SCHIP1: variants seen among roughly 807,000 people sequenced by gnomAD.
SCHIP1 encodes the protein schwannomin-interacting protein 1.
SCHIP1 carries 8 observed loss-of-function variants against 29.7 expected under a neutral mutation model. That is an observed-to-expected ratio of 0.27 (90% CI 0.16 to 0.49). The LOEUF is 0.49. Ranked by LOEUF, SCHIP1 falls within the 20% of genes least tolerant of loss-of-function variation. The pLI is 0.99. For synonymous variants in SCHIP1, 76 were observed against 94.9 expected (o/e 0.80, Z 1.16); for missense variants, 193 against 294.6 (o/e 0.66, Z 2.52).
intron 2 of SCHIP1, among the ~76,000 whole-genome samples, chr3:159,871,588 T>C (rs1319483841): frequency 1.3e-5 from 2 of 152,168 alleles, no homozygotes; most frequent in African/African-American, 4.8e-5. Flanking sequence ...GACACAGCTC[T>C]TTCATTGGGA....
the SCHIP1 span, among the ~76,000 whole-genome samples, chr3:159,452,872 G>A: frequency 6.6e-6 from 1 of 152,180 alleles, no homozygotes; most frequent in Non-Finnish European, 1.5e-5. Context: ...CAATGCAAGA[G>A]AGAATTTTTT....
the SCHIP1 span, among the ~76,000 whole-genome samples, chr3:159,578,086 C>A: frequency 6.6e-6 from 1 of 152,104 alleles, no homozygotes; most frequent in East Asian, 1.9e-4. Context: ...GAAGGGAGTG[C>A]TGCAACCTTA....
intron 2 of SCHIP1, among the ~76,000 whole-genome samples, chr3:159,884,349 CTGTG>C (rs10661642): frequency 0.012 from 1,667 of 140,606 alleles, 26 homozygotes; most frequent in African/African-American, 0.036. Context: ...GTGTCTGTGT[CTGTG>C]TGTGTGTGTG....
chr3:159,432,516 G>C, the SCHIP1 span, among the ~76,000 whole-genome samples: 7 of 152,142 alleles, frequency 4.6e-5, no homozygotes, highest in East Asian at 7.7e-4. Context: ...AGGGAACCAG[G>C]CTCTACCACT....
the SCHIP1 span, among the ~76,000 whole-genome samples, chr3:159,712,624 G>A: frequency 6.6e-6 from 1 of 152,036 alleles, no homozygotes; most frequent in Non-Finnish European, 1.5e-5. Context: ...GCTGAGGCAG[G>A]AGGACCACTT....
the SCHIP1 span, among the ~76,000 whole-genome samples, chr3:159,432,285 GATGTGTGTGTGT>G: frequency 8.8e-6 from 1 of 114,188 alleles, no homozygotes; most frequent in African/African-American, 3.7e-5. Flanking sequence ...CAGAGTAGGT[GATGTGTGTGTGT>G]GTGTGTGTGT....
At chr3:159,895,335 G>T (rs1452782947) in intron 6 of SCHIP1, among the ~76,000 whole-genome samples, 1 of 152,098 alleles carries the variant, frequency 6.6e-6, no homozygotes, top group Non-Finnish European at 1.5e-5. Flanking sequence ...TGTCTTCCCT[G>T]ATATGACACA....
the SCHIP1 span, among the ~76,000 whole-genome samples, chr3:159,650,890 G>A: frequency 6.6e-6 from 1 of 152,154 alleles, no homozygotes; most frequent in Admixed American, 6.5e-5. Context: ...AACCAGAAAA[G>A]CTGAGTGTGA....
At chr3:159,313,112 CTA>C in the SCHIP1 span, among the ~76,000 whole-genome samples, 1 of 152,092 alleles carries the variant, frequency 6.6e-6, no homozygotes, top group Non-Finnish European at 1.5e-5. Context: ...GTAAAATACT[CTA>C]TAGTCCTTAT....
At chr3:159,863,555 CTAAT>C (rs1259196072) in intron 1 of SCHIP1, among the ~76,000 whole-genome samples, 1 of 152,120 alleles carries the variant, frequency 6.6e-6, no homozygotes, top group African/African-American at 2.4e-5. Flanking sequence ...TTCTGAAAAT[CTAAT>C]AAATAATATG....
the SCHIP1 span, among the ~76,000 whole-genome samples, chr3:159,771,807 T>C: frequency 2.0e-5 from 3 of 152,190 alleles, no homozygotes; most frequent in African/African-American, 2.4e-5. Flanking sequence ...ATTAAGTTAT[T>C]ATTGGATGGA....
chr3:159,694,009 A>G, the SCHIP1 span, among the ~76,000 whole-genome samples: 1 of 152,170 alleles, frequency 6.6e-6, no homozygotes, highest in Non-Finnish European at 1.5e-5. Flanking sequence ...ATTTAGGCCC[A>G]TGGTGAGCAC....
At chr3:159,545,345 C>T in the SCHIP1 span, among the ~76,000 whole-genome samples, 17 of 151,950 alleles carry the variant, frequency 1.1e-4, no homozygotes, top group Non-Finnish European at 1.5e-5. Context: ...ATCTAATCAG[C>T]TGCCATAGAG....
intron 1 of SCHIP1, 59 bp from the exon 3 acceptor site, chr3:159,866,104 C>A (rs1438260732): frequency 6.9e-7 from 1 of 1,454,974 alleles, no homozygotes; most frequent in African/African-American, 1.4e-5. Flanking sequence ...AGTTAGACTG[C>A]CTGTGGTTGT....
the SCHIP1 span, among the ~76,000 whole-genome samples, chr3:159,806,930 G>C: frequency 6.6e-6 from 1 of 152,182 alleles, no homozygotes; most frequent in Non-Finnish European, 1.5e-5. Flanking sequence ...CTGTAACATT[G>C]TGCCCTAAAG....
chr3:159,403,134 A>T, the SCHIP1 span, among the ~76,000 whole-genome samples: 1 of 152,128 alleles, frequency 6.6e-6, no homozygotes, highest in Non-Finnish European at 1.5e-5. Flanking sequence ...CCATTCCTTT[A>T]ATGGGCAAAT....
chr3:159,709,026 C>T, the SCHIP1 span, among the ~76,000 whole-genome samples: 8 of 151,704 alleles, frequency 5.3e-5, no homozygotes, highest in African/African-American at 1.9e-4. Context: ...AAAGGTCAGC[C>T]TTCTCAGGCA....
chr3:159,593,347 A>G, the SCHIP1 span, among the ~76,000 whole-genome samples: 1 of 152,032 alleles, frequency 6.6e-6, no homozygotes, highest in Non-Finnish European at 1.5e-5. Flanking sequence ...CTTTATGGGT[A>G]CCTCATCCTA....
chr3:159,441,477 G>T, the SCHIP1 span, among the ~76,000 whole-genome samples: 1 of 151,610 alleles, frequency 6.6e-6, no homozygotes, highest in Admixed American at 6.6e-5. Flanking sequence ...GGTTTTTTTT[G>T]GCGGGGTGAC....
Sources: gnomAD v4.1 joint callset for allele counts (sites outside exome capture counted in the v4.1 genomes callset) on GRCh38, gnomAD v4.1.1 for gene constraint, MANE v1.5 for transcripts, NCBI Gene and HGNC (gene_info 2026-07-23, HGNC 2026-07-21) for gene names.